The following PAN2 variants were observed in gnomAD, a reference collection of about 807,000 sequenced individuals.
The protein encoded by PAN2 is poly(A) specific ribonuclease subunit PAN2.
Under a neutral mutation model 133.3 loss-of-function variants are expected in PAN2, and 68 were observed. The ratio of observed to expected loss-of-function variants is 0.51; its 90% confidence interval spans 0.42 to 0.62. The LOEUF (loss-of-function observed/expected upper bound fraction) is 0.62. Among genes scored for constraint, PAN2 ranks in the 20% least tolerant of loss-of-function variants. PAN2 has a pLI of 0.00. For synonymous variants in PAN2, 462 were observed against 544.6 expected, an observed-to-expected ratio of 0.85 and a Z score of 2.11; for missense variants, 1,042 against 1,500.5, an observed-to-expected ratio of 0.69 and a Z score of 5.05.
rs1875265415 is a variant in PAN2, at chr12:56,327,633, T to TA, written c.652-3dup. On this transcript the variant is annotated splice_region_variant and splice_polypyrimidine_tract_variant and intron_variant, in intron 5 of 25. Transcript: ENST00000440411. ...AGTACGGAGGTCTCTCAGGGAAACC[T>TA]AGAAAAAAAAAATTCAGTTATCTGC... 6.3e-7 allele frequency: 1 copy of TA among 1,599,244 alleles called. No homozygotes were observed. The highest frequency in any genetic ancestry group is 1.4e-5 in the African/African-American group (1 of 73,322).
At position 56,323,875 on chromosome 12, in the gene PAN2, T is replaced by TGAAC; in HGVS notation, c.2103_2104insGTTC (p.Lys702ValfsTer16). ...TTCTGGTCCAGGCAGATGCTTCGCT[T>TGAAC]CAGCACCTGAGCAAAGTCATAGTTC... On this transcript the variant is annotated frameshift_variant, in exon 14 of 26. Transcript: ENST00000440411. LOFTEE classifies it high-confidence loss of function. The TGAAC allele has an allele frequency of 6.2e-7, 1 of 1,614,198 alleles. No individual in the cohort carries two copies. The highest frequency in any genetic ancestry group is 8.5e-7 in the Non-Finnish European group (1 of 1,179,998).
intron 8 of PAN2, 99 bp downstream of exon 8, chr12:56,326,214 C>G (rs936430920): frequency 8.7e-7 from 1 of 1,155,732 alleles, no homozygotes; most frequent in Non-Finnish European, 1.2e-6. Flanking sequence ...TGGTTGGTTA[C>G]CAACAGGATC....
In PAN2 at chr12:56,317,400, G is replaced by T; in HGVS notation, c.*209C>A. On this transcript the variant is annotated 3_prime_UTR_variant, in exon 26 of 26. Coordinates refer to ENST00000440411, the MANE Select transcript of PAN2 (RefSeq NM_014871.6). ...CATGTCTGTACCACTGTTTTGCAAAGAATGAAGAAGGAATGAATCTGGCTC... is the reference window on the plus strand; with the variant it reads ...CATGTCTGTACCACTGTTTTGCAAATAATGAAGAAGGAATGAATCTGGCTC... The T allele has an allele frequency of 1.7e-6, 1 of 596,366 alleles. No homozygotes were observed. Among genetic ancestry groups the T allele is most frequent in the Non-Finnish European group, 3.0e-6 (1 of 330,272 alleles). 36.9% of individuals were successfully genotyped at this position (596,366 alleles called of 1,614,324 possible).
Position 56,319,182 on chromosome 12 carries a change from C to G in PAN2, c.3271-1G>C. The G allele has an allele frequency of 1.2e-6, 2 of 1,613,970 alleles. No homozygotes were observed. Among genetic ancestry groups the G allele is most frequent in the South Asian group, 2.2e-5 (2 of 91,068 alleles). On this transcript the variant is annotated splice_acceptor_variant, in intron 23 of 25. Coordinates refer to ENST00000440411, the MANE Select transcript of PAN2 (RefSeq NM_014871.6). LOFTEE classifies it high-confidence loss of function. This position sits in a 1 kb window ranked among gnomAD's most constrained non-coding sequence, Gnocchi z 5.4. ...TGTCAAGGACTTGGTCCTTGGGCAC[C>G]TGGCAAGGATAAAAGAGGGGGAGAC... is the stretch of plus-strand genomic sequence containing the variant.
rs1326030570 is a variant in PAN2, at chr12:56,318,369, G to A, written c.3430C>T (p.Arg1144Ter). ...EDARTALQLY[R>*]KYLELSKNGT... is the part of the protein sequence containing the mutation. The stretch of plus-strand genomic sequence containing the variant: ...TTTTTGCTTAGCTCCAGATACTTTC[G>A]GTACAGCTGAAGGGCTGTGCGGGCA... Residue 1144 changes from arginine to a stop codon, truncating the protein, a stop_gained, in exon 25 of 26, where the codon CGA becomes TGA. Coordinates refer to ENST00000440411, the MANE Select transcript of PAN2 (RefSeq NM_014871.6). LOFTEE classifies it high-confidence loss of function. 1.2e-6 allele frequency: 2 copies of A among 1,613,958 alleles called. No homozygotes were observed. Among genetic ancestry groups the A allele is most frequent in the Non-Finnish European group, 1.7e-6 (2 of 1,179,914 alleles).
At chr12:56,320,826 A>AGGCCAAG (rs1261582991) in intron 20 of PAN2, among the ~76,000 whole-genome samples, 19 of 148,106 alleles carry the variant, frequency 1.3e-4, no homozygotes, top group Non-Finnish European at 1.8e-4. Flanking sequence ...GCACTTTGGA[A>AGGCCAAG]GGCCAAGGAG....
Position 56,327,493 on chromosome 12 carries a change from C to T in PAN2, c.790G>A (p.Asp264Asn), listed in dbSNP as rs985728697. ...FSSRLTGLAC[D>N]RFLKVYDLRM... ...AAATCATACACCTTGAGGAAACGGT[C>T]GCAGGCCAGGCCAGTGAGGCGGCTG... is the stretch of plus-strand genomic sequence containing the variant. The change falls in exon 6 of 26, where the codon GAC (aspartate) becomes AAC (asparagine). Residue 264 changes from aspartate (D) to asparagine (N), a missense_variant. Physicochemically the swap from Asp to Asn is conservative, Grantham distance 23 (BLOSUM62 1). Around this residue, in one of 3 missense-constraint regions of PAN2, gnomAD observed 908 missense variants for 1,223.5 expected, o/e 0.74. Transcript: ENST00000440411. 1 of 1,614,192 alleles carries T rather than the reference C, an allele frequency of 6.2e-7. No homozygotes were observed. The highest frequency in any genetic ancestry group is 8.5e-7 in the Non-Finnish European group (1 of 1,180,042).
At position 56,323,302 on chromosome 12, in the gene PAN2, A is replaced by G. The variant is rs1565633504; in HGVS notation, c.2345+9T>C. On this transcript the variant is annotated intron_variant, in intron 16 of 25. Transcript: ENST00000440411. ...TCAATCCTTTGACAACTCCCAAGAC[A>G]GCACCTACCAATCAGCCAAAGCAAA... The G allele has an allele frequency of 6.2e-7, 1 of 1,613,990 alleles. No individual in the cohort carries two copies. Among genetic ancestry groups the G allele is most frequent in the Non-Finnish European group, 8.5e-7 (1 of 1,180,028 alleles).
In PAN2 at chr12:56,327,035, TC is replaced by T; in HGVS notation, c.920-77del. The T allele has an allele frequency of 2.4e-6, 3 of 1,244,556 alleles. No individual in the cohort carries two copies. The South Asian group carries it at 4.3e-5, about 18-fold the overall frequency. The allele number at this position is 1,244,556 out of a possible 1,614,324, so 77.1% of individuals were successfully genotyped here. A position where few individuals can be genotyped will look rare whatever the true frequency, so the allele number is the denominator to read the frequency against. ...TATTCTTATGCCCTTCCTATCCTCT[TC>T]CCCTGATTTCAGGACAAGATGGGCC... On this transcript the variant is annotated intron_variant, in intron 6 of 25. Transcript: ENST00000440411.
At chr12:56,322,941 A>C in intron 17 of PAN2, 121 bp downstream of exon 17, 1 of 1,348,170 alleles carries the variant, frequency 7.4e-7, no homozygotes, top group South Asian at 1.2e-5. Flanking sequence ...CTAACAGGTA[A>C]ATACTAGGCC....
rs745838339 is a variant in PAN2, at chr12:56,322,405, G to A, written c.2697+18C>T. The A allele has an allele frequency of 6.3e-6, 10 of 1,594,632 alleles. No homozygotes were observed. The highest frequency in any genetic ancestry group is 7.7e-6 in the Non-Finnish European group (9 of 1,162,620). On this transcript the variant is annotated intron_variant, in intron 19 of 25. Coordinates refer to ENST00000440411, the MANE Select transcript of PAN2 (RefSeq NM_014871.6). ...AAAAGGGGAAATGAAAGAAGAAACA[G>A]AACATGTTGCAACTAACCTTATCAA...
intron 20 of PAN2, 128 bp downstream of exon 20, chr12:56,321,950 C>A: frequency 1.8e-6 from 1 of 563,252 alleles, no homozygotes; most frequent in African/African-American, 1.9e-5. Context: ...GAGCAGGAAT[C>A]TCTTTAGTAT....
At chr12:56,327,753 A>C in intron 5 of PAN2, 122 bp from the exon 6 acceptor site, 1 of 1,309,112 alleles carries the variant, frequency 7.6e-7, no homozygotes, top group Non-Finnish European at 1.0e-6. Context: ...AAGTTAAAGC[A>C]CAGAAAAGGC....
In PAN2 at chr12:56,325,137, G is replaced by A. The variant is rs749968231; in HGVS notation, c.1480-9C>T. 16 of 1,613,056 alleles carry A rather than the reference G, an allele frequency of 9.9e-6. No individual in the cohort carries two copies. The African/African-American group carries it at 2.1e-4, about 22-fold the overall frequency. On this transcript the variant is annotated splice_polypyrimidine_tract_variant and intron_variant, in intron 9 of 25. Transcript: ENST00000440411. ...GAATATTTGATGGTCACCTAAGGTA[G>A]AAATTGTCTGAGCAAGACAAGGATA...
Position 56,328,245 on chromosome 12 carries a change from G to A in PAN2, c.566C>T (p.Thr189Ile), listed in dbSNP as rs1206232762. 1.1e-5 allele frequency: 18 copies of A among 1,591,574 alleles called. No homozygotes were observed. The highest frequency in any genetic ancestry group is 1.5e-5 in the Non-Finnish European group (18 of 1,167,906). Residue 189 changes from threonine (T) to isoleucine (I), a missense_variant, in exon 4 of 26, where the codon ACT becomes ATT. Coordinates refer to ENST00000440411, the MANE Select transcript of PAN2 (RefSeq NM_014871.6). ...IEIDLNTVQE[T>I]QKYAVETPGV... ...CTTGCCCCAAGCTTGTACCTTCTGA[G>A]TCTCCTGGACAGTGTTAAGATCAAT...
At position 56,317,395 on chromosome 12, in the gene PAN2, G is replaced by T; in HGVS notation, c.*214C>A. On this transcript the variant is annotated 3_prime_UTR_variant, in exon 26 of 26. Transcript: ENST00000440411. Reference sequence around the variant, plus strand: ...GACTCCATGTCTGTACCACTGTTTTGCAAAGAATGAAGAAGGAATGAATCT... The same window carrying T: ...GACTCCATGTCTGTACCACTGTTTTTCAAAGAATGAAGAAGGAATGAATCT... 1 of 591,418 alleles carries T rather than the reference G, an allele frequency of 1.7e-6. No homozygotes were observed. Among genetic ancestry groups the T allele is most frequent in the South Asian group, 2.1e-5 (1 of 47,578 alleles). The allele number at this position is 591,418 out of a possible 1,614,324, so 36.6% of individuals were successfully genotyped here.
rs866275212 is a variant in PAN2, at chr12:56,331,714, T to G, written c.282+1099A>C. 6.8e-5 allele frequency among the ~76,000 whole-genome samples: 10 copies of G among 148,110 alleles called. 1 individual carries two copies. The highest frequency in any genetic ancestry group is 2.2e-4 in the African/African-American group (9 of 40,994). ...TGAAGGACAGCGTTTTTTTTTTTTT[T>G]GTTTTTTGTTTTTTTTTGAGACGGA... On this transcript the variant is annotated intron_variant, in intron 2 of 25. Transcript: ENST00000440411.
intron 5 of PAN2, 136 bp from the exon 6 acceptor site, chr12:56,327,767 C>G: frequency 3.2e-6 from 4 of 1,247,676 alleles, no homozygotes; most frequent in Non-Finnish European, 4.4e-6. Flanking sequence ...AAAAGGCAAA[C>G]AGAGAAGCCC....
rs1874911184 is a variant in PAN2 at position 56,324,640 on chromosome 12, C to G, written c.1669G>C (p.Ala557Pro). 5 of 1,613,992 alleles carry G rather than the reference C, an allele frequency of 3.1e-6. No individual in the cohort carries two copies. The highest frequency in any genetic ancestry group is 1.3e-5 in the African/African-American group (1 of 74,898). Residue 557 changes from alanine to proline, a missense_variant, in exon 11 of 26, where the codon GCA becomes CCA. This residue lies in a region of PAN2 where 908 missense variants were observed against 1,223.5 expected (regional missense o/e 0.74). Coordinates refer to ENST00000440411, the MANE Select transcript of PAN2 (RefSeq NM_014871.6). ...NHLCQKEFCLACELGFLFHML... is the reference protein window; with the variant it reads ...NHLCQKEFCLPCELGFLFHML... ...TGAAACAGGAAGCCCAGCTCACATG[C>G]CAGACAGAACTCCTTCTGGCAAAGG...
Sources: allele counts gnomAD v4.1 joint callset (sites outside exome capture counted in the v4.1 genomes callset), GRCh38; gene constraint gnomAD v4.1.1; regional missense constraint gnomAD v4.1.1; non-coding constraint Gnocchi (gnomAD v3.1); transcripts MANE v1.5; gene names NCBI Gene and HGNC (gene_info 2026-07-23, HGNC 2026-07-21).